The following TRIP12 variants were observed in gnomAD, a reference collection of about 807,000 sequenced individuals.
The protein encoded by TRIP12 is thyroid hormone receptor interactor 12.
A neutral mutation model predicts 244.2 loss-of-function variants in TRIP12; 25 were observed. That is an observed-to-expected ratio of 0.10 (90% confidence interval 0.07 to 0.14). TRIP12 has a LOEUF of 0.14. Ranked by LOEUF, TRIP12 falls within the 10% of genes least tolerant of loss-of-function variation. The probability of loss-of-function intolerance (pLI) is 1.00; values close to 1 mark genes in which losing one functional copy is unlikely to be tolerated. For synonymous variants in TRIP12, 905 were observed against 873.1 expected (o/e 1.04, Z -0.64); for missense variants, 1,677 against 2,486.4 (o/e 0.67, Z 6.92).
rs530114105 is a variant in TRIP12 at position 229,884,175 on chromosome 2, T to G, written c.-49-4047A>C. On this transcript the variant is annotated intron_variant, in intron 1 of 41. Coordinates refer to ENST00000675903, the MANE Select transcript of TRIP12 (RefSeq NM_001348323.3). ...CATTTAAAAATTCATTCCTAAAATA[T>G]CTATCAAGAATAGTCCTTAAAGGAA... Among the ~76,000 whole-genome samples, 3 of 151,836 alleles carry G rather than the reference T, an allele frequency of 2.0e-5. No homozygotes were observed. The South Asian group carries it at 6.2e-4, about 32-fold the overall frequency.
At chr2:229,834,565 G>A (rs1368572988) in intron 6 of TRIP12, among the ~76,000 whole-genome samples, 2 of 152,178 alleles carry the variant, frequency 1.3e-5, no homozygotes, top group East Asian at 3.8e-4. Flanking sequence ...TTGGACAGCA[G>A]CCCGGCCAAC....
intron 17 of TRIP12, among the ~76,000 whole-genome samples, chr2:229,806,602 A>G (rs1486033525): frequency 1.3e-5 from 2 of 152,168 alleles, no homozygotes; most frequent in Non-Finnish European, 2.9e-5. Context: ...AAAATGCTAA[A>G]AAGAAGACGA....
chr2:229,797,018 C>T (rs1393045910), intron 24 of TRIP12, among the ~76,000 whole-genome samples: 2 of 151,990 alleles, frequency 1.3e-5, no homozygotes, highest in African/African-American at 2.4e-5. Flanking sequence ...AGAAAATCTT[C>T]ATATTCAACC....
intron 11 of TRIP12, 41 bp downstream of exon 11, chr2:229,815,058 C>T (rs922368702): frequency 6.7e-7 from 1 of 1,500,098 alleles, no homozygotes; most frequent in Non-Finnish European, 9.1e-7. Flanking sequence ...ACTTGACTCC[C>T]TATGCCTGCT....
intron 8 of TRIP12, among the ~76,000 whole-genome samples, chr2:229,824,549 G>T (rs2050982727): frequency 6.6e-6 from 1 of 152,164 alleles, no homozygotes; most frequent in East Asian, 1.9e-4. Context: ...TCCAACAGGG[G>T]ACTATATAAA....
chr2:229,793,532 A>C (rs1291766036), intron 26 of TRIP12, among the ~76,000 whole-genome samples: 2 of 151,902 alleles, frequency 1.3e-5, no homozygotes, highest in Admixed American at 6.6e-5. Context: ...ATATTTTTTA[A>C]AAAGAAAAAA....
At chr2:229,790,962 T>C (rs2041375147) in intron 30 of TRIP12, among the ~76,000 whole-genome samples, 162 bp downstream of exon 30, 2 of 152,244 alleles carry the variant, frequency 1.3e-5, no homozygotes, top group Non-Finnish European at 2.9e-5. Flanking sequence ...TTTCTAGATA[T>C]TAAAGTTGAG....
chr2:229,773,926 G>A, intron 38 of TRIP12, 171 bp downstream of exon 38: 1 of 586,222 alleles, frequency 1.7e-6, no homozygotes, highest in Non-Finnish European at 3.0e-6. Context: ...TATCTGATAT[G>A]TGCACTCAAG....
chr2:229,867,526 T>C (rs180732634), intron 2 of TRIP12, among the ~76,000 whole-genome samples: 3 of 152,188 alleles, frequency 2.0e-5, no homozygotes, highest in Admixed American at 1.3e-4. Context: ...AACACCACTA[T>C]TAATTTTCTA....
intron 1 of TRIP12, among the ~76,000 whole-genome samples, chr2:229,890,661 G>A (rs2067127901): frequency 6.6e-6 from 1 of 152,026 alleles, no homozygotes; most frequent in Non-Finnish European, 1.5e-5. Context: ...TTTAACACCT[G>A]GTGAATAATA....
At chr2:229,824,229 C>G (rs2050865533) in intron 8 of TRIP12, among the ~76,000 whole-genome samples, 1 of 151,920 alleles carries the variant, frequency 6.6e-6, no homozygotes, top group Admixed American at 6.6e-5. Context: ...TAGGGTACCA[C>G]TAAAAGAAAT....
At chr2:229,777,533 C>T in intron 36 of TRIP12, 54 bp from the exon 37 acceptor site, 1 of 1,582,998 alleles carries the variant, frequency 6.3e-7, no homozygotes, top group South Asian at 1.1e-5. Flanking sequence ...TCCAGCATTA[C>T]CTCCATCTAA....
At chr2:229,841,023 A>C (rs551365870) in intron 4 of TRIP12, 96 bp from the exon 5 acceptor site, 62 of 890,186 alleles carry the variant, frequency 7.0e-5, no homozygotes, top group Admixed American at 5.6e-5. Flanking sequence ...TCAAAACTTC[A>C]CAGAATATTT....
intron 1 of TRIP12, chr2:229,894,341 T>C (rs534864375): frequency 4.5e-4 from 68 of 152,266 alleles, no homozygotes; most frequent in African/African-American, 1.6e-3. Context: ...AAAAAAGTCT[T>C]TATCGTGATC....
At chr2:229,902,516 A>G (rs2071267816) in intron 1 of TRIP12, among the ~76,000 whole-genome samples, 1 of 152,260 alleles carries the variant, frequency 6.6e-6, no homozygotes, top group Admixed American at 6.5e-5. Flanking sequence ...ATTGCTGCAG[A>G]TACCTCAAAC....
chr2:229,832,051 C>A (rs1037234074), intron 6 of TRIP12, among the ~76,000 whole-genome samples: 1 of 151,948 alleles, frequency 6.6e-6, no homozygotes, highest in African/African-American at 2.4e-5. Context: ...GTTTAAAGAG[C>A]TTGTCTGAAG....
At chr2:229,802,770 T>C (rs577318633) in intron 20 of TRIP12, among the ~76,000 whole-genome samples, 1 of 152,152 alleles carries the variant, frequency 6.6e-6, no homozygotes, top group African/African-American at 2.4e-5. Context: ...ATAAAAACAA[T>C]AATCAACTAC....
chr2:229,779,808 A>C (rs1213265768), intron 34 of TRIP12, among the ~76,000 whole-genome samples: 1 of 152,154 alleles, frequency 6.6e-6, no homozygotes, highest in Non-Finnish European at 1.5e-5. Flanking sequence ...GTGCAGCCTA[A>C]AGTGAAACTA....
At chr2:229,775,930 T>G (rs1186175808) in intron 37 of TRIP12, among the ~76,000 whole-genome samples, 1 of 151,876 alleles carries the variant, frequency 6.6e-6, no homozygotes, top group African/African-American at 2.4e-5. Context: ...ACTGACAGCA[T>G]CAGGAACAAT....
Sources: gnomAD v4.1 joint callset for allele counts (sites outside exome capture counted in the v4.1 genomes callset) on GRCh38, gnomAD v4.1.1 for gene constraint, MANE v1.5 for transcripts, NCBI Gene and HGNC (gene_info 2026-07-23, HGNC 2026-07-21) for gene names.